Variants in PNPT1 observed in about 807,000 individuals in gnomAD.
PNPT1 encodes the protein polyribonucleotide nucleotidyltransferase 1, also known as polyribonucleotide nucleotidyltransferase 1, mitochondrial.
PNPT1 carries 53 observed loss-of-function variants against 119.5 expected under a neutral mutation model. The ratio of observed to expected loss-of-function variants is 0.44; its 90% CI spans 0.36 to 0.56. The LOEUF (loss-of-function observed/expected upper bound fraction) is 0.56. Ranked by LOEUF, PNPT1 falls within the 20% of genes least tolerant of loss-of-function variation. The pLI is 0.00. For synonymous variants in PNPT1, 357 were observed against 322.1 expected (o/e 1.11, Z -1.16); for missense variants, 948 against 938.5 (o/e 1.01, Z -0.13).
intron 25 of PNPT1, among the ~76,000 whole-genome samples, chr2:55,642,954 A>G (rs556743355): frequency 1.3e-5 from 2 of 152,222 alleles, no homozygotes; most frequent in South Asian, 4.2e-4. Flanking sequence ...ATGTCTTTAC[A>G]AAAAAATTAA....
chr2:55,693,772 C>A lies in PNPT1; in HGVS notation c.52G>T (p.Asp18Tyr), dbSNP rs1479659777. 6.2e-7 allele frequency: 1 copy of A among 1,614,114 alleles called. No homozygotes were observed. The highest frequency in any genetic ancestry group is 8.5e-7 in the Non-Finnish European group (1 of 1,180,032). ...CGCCGTGGCAGAAGGAAAGGACCATCGCTCAGGGGCCGGAGCCGGAGGCAC... is the reference window on the plus strand; with the variant it reads ...CGCCGTGGCAGAAGGAAAGGACCATAGCTCAGGGGCCGGAGCCGGAGGCAC... ...CSCLRLRPLSDGPFLLPRRDR... is the reference protein window; with the variant it reads ...CSCLRLRPLSYGPFLLPRRDR... The change falls in exon 1 of 28, where the codon GAT becomes TAT. Residue 18 changes from aspartate to tyrosine, a missense_variant. By Grantham distance (160) the Asp-to-Tyr change is radical (BLOSUM62 -3). Transcript: ENST00000447944.
At position 55,682,129 on chromosome 2, in the gene PNPT1, C is replaced by A. The variant is rs182665249; in HGVS notation, c.454-1211G>T. 2.7e-4 allele frequency among the ~76,000 whole-genome samples: 40 copies of A among 146,098 alleles called. 1 individual carries two copies. Among genetic ancestry groups the A allele is most frequent in the African/African-American group, 9.4e-4 (37 of 39,186 alleles). ...CTGTACTCCAGCCTGGTCGACAGAG[C>A]GAGATTCCATCTCAAAAAACAAACA... On this transcript the variant is annotated intron_variant, in intron 5 of 27. Transcript: ENST00000447944.
intron 26 of PNPT1, among the ~76,000 whole-genome samples, chr2:55,638,068 G>A (rs1695728053): frequency 6.6e-6 from 1 of 151,780 alleles, no homozygotes; most frequent in Non-Finnish European, 1.5e-5. Flanking sequence ...TTGGGAGGCT[G>A]GGGCAGGCAG....
At chr2:55,664,737 T>C (rs1019515774) in intron 13 of PNPT1, among the ~76,000 whole-genome samples, 4 of 152,234 alleles carry the variant, frequency 2.6e-5, no homozygotes, top group East Asian at 1.9e-4. Flanking sequence ...AAGCCAGAGA[T>C]TGTCACAATG....
chr2:55,658,057 G>T (rs1191116985), intron 15 of PNPT1, among the ~76,000 whole-genome samples: 3 of 151,608 alleles, frequency 2.0e-5, no homozygotes, highest in African/African-American at 7.3e-5. Context: ...GGACAACATG[G>T]CAAAACCCCA....
rs1559082424 is a variant in PNPT1, at chr2:55,635,110, C to T, written c.*1127G>A. The T allele has an allele frequency of 6.6e-6, 1 of 152,038 alleles. No homozygotes were observed. The highest frequency in any genetic ancestry group is 1.5e-5 in the Non-Finnish European group (1 of 68,024). 9.4% of individuals were successfully genotyped at this position (152,038 alleles called of 1,614,324 possible). ...CATTCTAAATTATGACGTCCACATACCATTTACTTTTCTGTGGAATTATAA... is the reference window on the plus strand; with the variant it reads ...CATTCTAAATTATGACGTCCACATATCATTTACTTTTCTGTGGAATTATAA... On this transcript the variant is annotated 3_prime_UTR_variant, in exon 28 of 28. Transcript: ENST00000447944.
intron 23 of PNPT1, 103 bp from the exon 24 acceptor site, chr2:55,643,528 T>G: frequency 1.0e-6 from 1 of 989,062 alleles, no homozygotes. Flanking sequence ...GAGGATCACT[T>G]GAGCTCAGGA....
At chr2:55,671,851 G>A in intron 10 of PNPT1, 144 bp downstream of exon 10, 2 of 639,720 alleles carry the variant, frequency 3.1e-6, no homozygotes, top group East Asian at 6.0e-5. Context: ...ACAAAAGAAT[G>A]GAGAAACAAT....
chr2:55,639,914 A>G (rs1042388047), intron 26 of PNPT1, among the ~76,000 whole-genome samples: 1 of 152,210 alleles, frequency 6.6e-6, no homozygotes, highest in Non-Finnish European at 1.5e-5. Context: ...TCTTTGATCC[A>G]GACAGGATTT....
intron 12 of PNPT1, 142 bp downstream of exon 12, chr2:55,667,720 G>A: frequency 9.2e-7 from 1 of 1,087,784 alleles, no homozygotes; most frequent in Non-Finnish European, 1.3e-6. Flanking sequence ...TTCTTCAATA[G>A]GTGTCCATTT....
At chr2:55,656,470 A>C in intron 15 of PNPT1, 99 bp from the exon 16 acceptor site, 1 of 1,125,858 alleles carries the variant, frequency 8.9e-7, no homozygotes. Context: ...GAACAGTAGA[A>C]TCTCATTTTT....
chr2:55,688,760 C>CAA (rs1408657475), intron 1 of PNPT1, among the ~76,000 whole-genome samples: 9 of 150,380 alleles, frequency 6.0e-5, no homozygotes, highest in African/African-American at 1.9e-4. Flanking sequence ...ACAACAACAA[C>CAA]AACAACAAAA....
chr2:55,663,920 C>T (rs1696656622), intron 13 of PNPT1, among the ~76,000 whole-genome samples: 1 of 150,648 alleles, frequency 6.6e-6, no homozygotes. Context: ...ACCCAGGAGG[C>T]GGAGCTTGCC....
At chr2:55,666,198 AG>A (rs1441423187) in intron 13 of PNPT1, among the ~76,000 whole-genome samples, 6 of 152,224 alleles carry the variant, frequency 3.9e-5, no homozygotes, top group Admixed American at 3.3e-4. Context: ...GGCAGGAAGA[AG>A]GCATTACAAA....
chr2:55,660,076 C>G, intron 15 of PNPT1, 81 bp downstream of exon 15: 1 of 1,380,202 alleles, frequency 7.2e-7, no homozygotes, highest in East Asian at 2.6e-5. Context: ...TCCACTCCAG[C>G]CTGGACAACA....
chr2:55,686,373 C>T lies in PNPT1; in HGVS notation c.294G>A (p.Leu98=). ...AGATAAATCAGCAAATACTTACCAC[C>T]AAAGGCATAAACTGGGAAGGGGAAG... ...TKPSPSQFMP[L]VVDYRQKAAA... The change falls in exon 3 of 28, where the codon TTG becomes TTA. Residue 98 remains leucine (L), a synonymous_variant. Transcript: ENST00000447944. 1 of 1,609,344 alleles carries T rather than the reference C, an allele frequency of 6.2e-7. No individual in the cohort carries two copies. The highest frequency in any genetic ancestry group is 1.3e-5 in the African/African-American group (1 of 74,938).
At position 55,667,844 on chromosome 2, in the gene PNPT1, A is replaced by C; in HGVS notation, c.1073+18T>G. The C allele has an allele frequency of 6.3e-7, 1 of 1,594,766 alleles. No homozygotes were observed. Among genetic ancestry groups the C allele is most frequent in the South Asian group, 1.2e-5 (1 of 86,954 alleles). ...AGACAGTGCATACTTCAATTTCAAC[A>C]AAAAAGGGTATGTTTACCTTTTGTA... On this transcript the variant is annotated intron_variant, in intron 12 of 27. Transcript: ENST00000447944.
At chr2:55,666,288 T>C (rs954147549) in intron 13 of PNPT1, among the ~76,000 whole-genome samples, 54 of 152,170 alleles carry the variant, frequency 3.5e-4, no homozygotes, top group African/African-American at 9.7e-4. Flanking sequence ...AGACAGGGTC[T>C]GGCTTGGTAG....
chr2:55,658,966 A>C (rs558046494), intron 15 of PNPT1, among the ~76,000 whole-genome samples: 1 of 152,158 alleles, frequency 6.6e-6, no homozygotes, highest in African/African-American at 2.4e-5. Context: ...TTTTCTTTTT[A>C]TTTTTTGAGA....
Sources: allele counts gnomAD v4.1 joint callset (sites outside exome capture counted in the v4.1 genomes callset), GRCh38; gene constraint gnomAD v4.1.1; transcripts MANE v1.5; gene names NCBI Gene and HGNC (gene_info 2026-07-23, HGNC 2026-07-21).